The following TEX2 variants were observed in gnomAD, a reference collection of about 807,000 sequenced individuals.
TEX2 encodes the protein testis expressed 2, also known as testis-expressed protein 2.
Under a neutral mutation model 106.9 loss-of-function variants are expected in TEX2, and 53 were observed. The ratio of observed to expected loss-of-function variants is 0.50; its 90% CI spans 0.40 to 0.62. The LOEUF (loss-of-function observed/expected upper bound fraction) is 0.62. Ranked by LOEUF, TEX2 falls within the 20% of genes least tolerant of loss-of-function variation. The pLI is 0.00. For missense variants in TEX2, 1,207 were observed against 1,379.0 expected (o/e 0.88, Z 1.98); for synonymous variants, 523 against 534.8 (o/e 0.98, Z 0.30).
intron 5 of TEX2, among the ~76,000 whole-genome samples, chr17:64,181,664 A>G (rs1021767156): frequency 6.6e-6 from 1 of 151,468 alleles, no homozygotes; most frequent in Non-Finnish European, 1.5e-5. Context: ...ACAGGCATTC[A>G]CCACCACGCC....
intron 5 of TEX2, among the ~76,000 whole-genome samples, chr17:64,182,058 C>A (rs371042988): frequency 6.6e-6 from 1 of 151,978 alleles, no homozygotes; most frequent in Non-Finnish European, 1.5e-5. Flanking sequence ...TTCACAATAG[C>A]TAAAATGTGG....
intron 1 of TEX2, among the ~76,000 whole-genome samples, 172 bp downstream of exon 1, chr17:64,262,996 C>T (rs1555638802): frequency 6.6e-6 from 1 of 152,046 alleles, no homozygotes; most frequent in African/African-American, 2.4e-5. Flanking sequence ...GGGTGGGCGT[C>T]CCCTTCAATA....
At chr17:64,177,942 T>C (rs2121022) in intron 5 of TEX2, among the ~76,000 whole-genome samples, 108,295 of 152,112 alleles carry the variant, frequency 0.71, 38,650 homozygotes, top group East Asian at 0.83. Flanking sequence ...GGTCAAAATA[T>C]TCCCGGGATG....
intron 2 of TEX2, 98 bp downstream of exon 2, chr17:64,212,476 C>CCGTATCATTAA: frequency 8.3e-7 from 1 of 1,197,838 alleles, no homozygotes; most frequent in South Asian, 1.5e-5. Flanking sequence ...ACGGCCTGTG[C>CCGTATCATTAA]AAAAATCTTT....
In TEX2 at chr17:64,239,607, G is replaced by A. The variant is rs186480572; in HGVS notation, c.-26+23561C>T. Among the ~76,000 whole-genome samples the A allele has an allele frequency of 2.7e-3, 409 of 152,166 alleles. 2 individuals are homozygous for A. Among genetic ancestry groups the A allele is most frequent in the Non-Finnish European group, 2.8e-3 (188 of 68,010 alleles). On this transcript the variant is annotated intron_variant, in intron 1 of 11. Transcript: ENST00000584379. ...GGAAATAATGCTGGCCAGGCATGGCGGCTCACACCTGTAATCCCAGCACTT... is the reference window on the plus strand; with the variant it reads ...GGAAATAATGCTGGCCAGGCATGGCAGCTCACACCTGTAATCCCAGCACTT...
chr17:64,156,328 C>A (rs1355358653), intron 8 of TEX2: 1 of 152,272 alleles, frequency 6.6e-6, no homozygotes, highest in Non-Finnish European at 1.5e-5. Context: ...TCCTCCCTAC[C>A]CCCACTCTGA....
intron 4 of TEX2, 95 bp downstream of exon 4, chr17:64,193,464 C>CTTGGTTCG: frequency 4.0e-6 from 2 of 505,490 alleles, no homozygotes; most frequent in Non-Finnish European, 5.6e-6. Flanking sequence ...TCAGGGTGGG[C>CTTGGTTCG]TTCCTTCCTT....
rs2030448355 is a variant in TEX2 at position 64,153,186 on chromosome 17, A to G, written c.2931-32T>C. On this transcript the variant is annotated intron_variant, in intron 9 of 11. Transcript: ENST00000584379. The surrounding 1 kb of genome is among the most constrained non-coding windows in gnomAD (Gnocchi z 4.1). ...ATGTGGAACACAAAGGGCGGTTAGC[A>G]CAAACTTTGCTCTTTTCACAGACAA... The G allele has an allele frequency of 1.3e-6, 2 of 1,531,712 alleles. No individual in the cohort carries two copies. Among genetic ancestry groups the G allele is most frequent in the Non-Finnish European group, 1.8e-6 (2 of 1,111,924 alleles). The allele number at this position is 1,531,712 out of a possible 1,614,324, so 94.9% of individuals were successfully genotyped here.
chr17:64,243,322 CAG>C (rs1273921255), intron 1 of TEX2, among the ~76,000 whole-genome samples: 4 of 152,108 alleles, frequency 2.6e-5, no homozygotes, highest in Admixed American at 2.6e-4. Context: ...TTTTGACTCT[CAG>C]GGGAAAAAAG....
chr17:64,245,977 G>T (rs2033980674), intron 1 of TEX2, among the ~76,000 whole-genome samples: 1 of 152,170 alleles, frequency 6.6e-6, no homozygotes, highest in Non-Finnish European at 1.5e-5. Context: ...TCAATAAAGA[G>T]ATCCGGTTTC....
chr17:64,182,928 C>CA (rs1206003693), intron 5 of TEX2, among the ~76,000 whole-genome samples: 1 of 148,010 alleles, frequency 6.8e-6, no homozygotes, highest in Non-Finnish European at 1.5e-5. Context: ...TTTTTTAAAA[C>CA]AGAGTCTTGC....
In TEX2 at chr17:64,153,135, T is replaced by C. The variant is rs1430016995; in HGVS notation, c.2950A>G (p.Thr984Ala). Residue 984 changes from threonine (T) to alanine (A), a missense_variant, in exon 10 of 12, where the codon ACA becomes GCA. This residue lies in a region of TEX2 where 63 missense variants were observed against 112.2 expected (regional missense o/e 0.56). Coordinates refer to ENST00000584379, the MANE Select transcript of TEX2 (RefSeq NM_001288732.2). This position sits in a 1 kb window ranked among gnomAD's most constrained non-coding sequence, Gnocchi z 4.1. ...TCAACAAACCTCATAATCTTACTTG[T>C]TCGATGACCTCCAACGTACCTTCAA... ...GAEGYVGGHR[T>A]SKIMRFVDKI... 1 of 1,613,920 alleles carries C rather than the reference T, an allele frequency of 6.2e-7. No individual in the cohort carries two copies. The highest frequency in any genetic ancestry group is 2.2e-5 in the East Asian group (1 of 44,892).
chr17:64,217,875 T>C lies in TEX2; in HGVS notation c.-25-3633A>G, dbSNP rs1555632829. On this transcript the variant is annotated intron_variant, in intron 1 of 11. Transcript: ENST00000584379. This position sits in a 1 kb window ranked among gnomAD's most constrained non-coding sequence, Gnocchi z 4.3. ...AGCTCATGTTGTCGCCAGGCTCCCA[T>C]AGGTATGATTTCGTGCTGGAGAGGT... Among the ~76,000 whole-genome samples the C allele has an allele frequency of 6.6e-6, 1 of 152,148 alleles. No individual in the cohort carries two copies. The highest frequency in any genetic ancestry group is 1.5e-5 in the Non-Finnish European group (1 of 68,006).
At chr17:64,231,921 C>T (rs2143318353) in intron 1 of TEX2, among the ~76,000 whole-genome samples, 1 of 152,324 alleles carries the variant, frequency 6.6e-6, no homozygotes, top group South Asian at 2.1e-4. Context: ...GGTGTGAGCA[C>T]ATCTTTTTAT....
intron 1 of TEX2, among the ~76,000 whole-genome samples, chr17:64,229,673 C>T (rs1419697080): frequency 2.0e-5 from 3 of 152,072 alleles, no homozygotes; most frequent in African/African-American, 4.8e-5. Context: ...GTATATAACA[C>T]ACATAACACA....
intron 2 of TEX2, among the ~76,000 whole-genome samples, chr17:64,204,066 A>C (rs1555630464): frequency 1.3e-5 from 2 of 152,278 alleles, no homozygotes; most frequent in Non-Finnish European, 2.9e-5. Flanking sequence ...ACATTAATAC[A>C]TGATAAACAT....
chr17:64,231,660 G>T (rs1335882309), intron 1 of TEX2, among the ~76,000 whole-genome samples: 3 of 152,212 alleles, frequency 2.0e-5, no homozygotes, highest in Non-Finnish European at 4.4e-5. Flanking sequence ...GGTGAGAACT[G>T]AATAGGTCCT....
intron 1 of TEX2, among the ~76,000 whole-genome samples, chr17:64,249,218 T>G (rs2034046272): frequency 6.6e-6 from 1 of 152,160 alleles, no homozygotes; most frequent in South Asian, 2.1e-4. Context: ...AATTCCTTTT[T>G]TCCTTAGCTT....
chr17:64,171,996 GA>G (rs1455731757), intron 6 of TEX2, among the ~76,000 whole-genome samples: 2 of 134,310 alleles, frequency 1.5e-5, no homozygotes, highest in Non-Finnish European at 3.2e-5. Context: ...AAAAAAAAAA[GA>G]AAAGAAGAGA....
Sources: allele counts gnomAD v4.1 joint callset (sites outside exome capture counted in the v4.1 genomes callset), GRCh38; gene constraint gnomAD v4.1.1; regional missense constraint gnomAD v4.1.1; non-coding constraint Gnocchi (gnomAD v3.1); transcripts MANE v1.5; gene names NCBI Gene and HGNC (gene_info 2026-07-23, HGNC 2026-07-21).